The following BASP1 variants were observed in gnomAD, a reference collection of about 807,000 sequenced individuals.
BASP1 encodes brain abundant membrane attached signal protein 1.
BASP1 carries 1 observed loss-of-function variant against 2.2 expected under a neutral mutation model. That is an observed-to-expected ratio of 0.46 (90% confidence interval 0.16 to 2.17). BASP1 has a LOEUF of 2.17. Among genes scored for constraint, BASP1 ranks in the 30% most tolerant of loss-of-function variants. BASP1 has a pLI of 0.27. For missense variants in BASP1, 352 were observed against 327.2 expected (o/e 1.08, Z -0.58); for synonymous variants, 187 against 154.2 (o/e 1.21, Z -1.58).
intron 1 of BASP1, among the ~76,000 whole-genome samples, chr5:17,245,773 G>A (rs1019398024): frequency 2.0e-5 from 3 of 152,022 alleles, no homozygotes; most frequent in African/African-American, 7.2e-5. Context: ...ATAAAAGAAA[G>A]ATGGAAGAAG....
intron 1 of BASP1, among the ~76,000 whole-genome samples, chr5:17,249,786 C>A (rs1740065564): frequency 6.6e-6 from 1 of 152,128 alleles, no homozygotes; most frequent in Non-Finnish European, 1.5e-5. Context: ...TTTTCTTCAA[C>A]CCACAACTTG....
chr5:17,246,227 A>T (rs1325282585), intron 1 of BASP1, among the ~76,000 whole-genome samples: 3 of 152,076 alleles, frequency 2.0e-5, no homozygotes, highest in Non-Finnish European at 4.4e-5. Flanking sequence ...CACGCCTGTA[A>T]TCCCAGCACT....
intron 1 of BASP1, among the ~76,000 whole-genome samples, chr5:17,226,412 A>G (rs1160971693): frequency 6.6e-6 from 1 of 152,242 alleles, no homozygotes; most frequent in African/African-American, 2.4e-5. Flanking sequence ...TTGACAGTCT[A>G]TTCAAAACAC....
chr5:17,269,984 C>T (rs914020970), intron 1 of BASP1, among the ~76,000 whole-genome samples: 3 of 152,094 alleles, frequency 2.0e-5, no homozygotes, highest in Admixed American at 2.0e-4. Flanking sequence ...GCAAAAAATG[C>T]AATTACATTT....
chr5:17,252,492 T>C (rs1175510916), intron 1 of BASP1, among the ~76,000 whole-genome samples: 1 of 152,168 alleles, frequency 6.6e-6, no homozygotes, highest in East Asian at 1.9e-4. Context: ...AACTCTTGCT[T>C]GACACCCAAG....
At chr5:17,217,069 A>AGTGT (rs558143088), upstream of BASP1, 2,333 of 119,780 alleles carry the variant, frequency 0.019, 44 homozygotes, top group Non-Finnish European at 0.028. Context: ...AGAGAGAGAG[A>AGTGT]GTGAGAGAGA....
intron 1 of BASP1, among the ~76,000 whole-genome samples, chr5:17,267,777 A>T (rs918645827): frequency 7.1e-6 from 1 of 140,546 alleles, no homozygotes; most frequent in Non-Finnish European, 1.5e-5. Context: ...TCAGCTTCCC[A>T]AAGTGCTGGG....
intron 1 of BASP1, among the ~76,000 whole-genome samples, chr5:17,273,075 C>T (rs1281841867): frequency 6.6e-6 from 1 of 152,084 alleles, no homozygotes; most frequent in Non-Finnish European, 1.5e-5. Flanking sequence ...TGTTAGGTTT[C>T]CTGTTTCTTA....
intron 1 of BASP1, among the ~76,000 whole-genome samples, chr5:17,225,368 C>T (rs906127110): frequency 3.9e-5 from 6 of 152,044 alleles, no homozygotes; most frequent in Non-Finnish European, 7.4e-5. Flanking sequence ...CCCAGGGGGA[C>T]GGTGCAGTCA....
chr5:17,263,004 G>A lies in BASP1; in HGVS notation c.-9-12204G>A, dbSNP rs575061308. ...TGAGACTACAGGCACCCGCCACCACGCCCGGCTAATTTTTTATATTTTTTA... is the reference window on the plus strand; with the variant it reads ...TGAGACTACAGGCACCCGCCACCACACCCGGCTAATTTTTTATATTTTTTA... On this transcript the variant is annotated intron_variant, in intron 1 of 1. Transcript: ENST00000322611. Among the ~76,000 whole-genome samples, 7 of 152,086 alleles carry A rather than the reference G, an allele frequency of 4.6e-5. No individual in the cohort carries two copies. The East Asian group carries it at 1.2e-3, about 25-fold the overall frequency.
intron 1 of BASP1, among the ~76,000 whole-genome samples, chr5:17,265,637 CT>C (rs957537205): frequency 3.9e-5 from 6 of 152,158 alleles, no homozygotes; most frequent in Non-Finnish European, 8.8e-5. Context: ...CTACTTGATA[CT>C]CCTTTTGAGC....
chr5:17,245,973 GA>G (rs202080092), intron 1 of BASP1, among the ~76,000 whole-genome samples: 9 of 150,052 alleles, frequency 6.0e-5, no homozygotes, highest in East Asian at 5.8e-4. Context: ...CGTGGATAGA[GA>G]AAAAAAAATC....
chr5:17,238,166 C>CT (rs1160864454), intron 1 of BASP1, among the ~76,000 whole-genome samples: 2 of 151,832 alleles, frequency 1.3e-5, no homozygotes, highest in African/African-American at 4.8e-5. Flanking sequence ...AAACTACCCT[C>CT]TTTTTTTCAG....
At chr5:17,264,838 A>C (rs879620629) in intron 1 of BASP1, among the ~76,000 whole-genome samples, 1 of 152,186 alleles carries the variant, frequency 6.6e-6, no homozygotes, top group Non-Finnish European at 1.5e-5. Context: ...AATAAATCCA[A>C]ATTTGCATTT....
rs963500123 is a variant in BASP1 at position 17,251,739 on chromosome 5, C to T, written c.-9-23469C>T. 2.0e-5 allele frequency among the ~76,000 whole-genome samples: 3 copies of T among 152,150 alleles called. No homozygotes were observed. Among genetic ancestry groups the T allele is most frequent in the Non-Finnish European group, 4.4e-5 (3 of 68,036 alleles). On this transcript the variant is annotated intron_variant, in intron 1 of 1. Transcript: ENST00000322611. The surrounding 1 kb of genome is among the most constrained non-coding windows in gnomAD (Gnocchi z 4.0). ...GTGAAAGTTGGTCCAGAAAGACTCC[C>T]ACATTTCTGGCTGGGCGATGGGGTG...
Position 17,275,921 on chromosome 5 carries a change from A to G in BASP1, c.*21A>G. 2 of 1,524,190 alleles carry G rather than the reference A, an allele frequency of 1.3e-6. No homozygotes were observed. Among genetic ancestry groups the G allele is most frequent in the Non-Finnish European group, 1.8e-6 (2 of 1,135,086 alleles). The allele number at this position is 1,524,190 out of a possible 1,614,324, so 94.4% of individuals were successfully genotyped here. A position where few individuals can be genotyped will look rare whatever the true frequency, so the allele number is the denominator to read the frequency against. The stretch of plus-strand genomic sequence containing the variant: ...AGTGACAAGGACAGCCTATAGGAAA[A>G]ACAATACCACTTAAAACAATCTCCT... On this transcript the variant is annotated 3_prime_UTR_variant, in exon 2 of 2. Transcript: ENST00000322611. The surrounding 1 kb of genome is among the most constrained non-coding windows in gnomAD (Gnocchi z 5.3).
At chr5:17,246,739 T>C (rs1317863216) in intron 1 of BASP1, among the ~76,000 whole-genome samples, 2 of 152,252 alleles carry the variant, frequency 1.3e-5, no homozygotes, top group East Asian at 3.8e-4. Context: ...CATTCTCTAA[T>C]TGCCCATTTT....
Position 17,275,532 on chromosome 5 carries a change from C to G in BASP1, c.316C>G (p.Gln106Glu). 7.0e-7 allele frequency: 1 copy of G among 1,422,896 alleles called. No individual in the cohort carries two copies. The allele number at this position is 1,422,896 out of a possible 1,614,324, so 88.1% of individuals were successfully genotyped here. A position where few individuals can be genotyped will look rare whatever the true frequency, so the allele number is the denominator to read the frequency against. The change falls in exon 2 of 2, where the codon CAG becomes GAG. Residue 106 changes from glutamine (Q) to glutamate (E), a missense_variant. By Grantham distance (29) the Gln-to-Glu change is conservative. Coordinates refer to ENST00000322611, the MANE Select transcript of BASP1 (RefSeq NM_006317.5). This position sits in a 1 kb window ranked among gnomAD's most constrained non-coding sequence, Gnocchi z 5.3. ...AKAEPPKAPEQEQAAPGPAAG... is the reference protein window; with the variant it reads ...AKAEPPKAPEEEQAAPGPAAG... ...GGCTGAGCCCCCGAAGGCGCCCGAG[C>G]AGGAGCAGGCGGCCCCCGGCCCCGC...
At chr5:17,254,163 A>C (rs1414434232) in intron 1 of BASP1, among the ~76,000 whole-genome samples, 2 of 151,892 alleles carry the variant, frequency 1.3e-5, no homozygotes, top group African/African-American at 4.8e-5. Flanking sequence ...ATTAGTGTTG[A>C]TTATGACAAG....
Sources: gnomAD v4.1 joint callset for allele counts (sites outside exome capture counted in the v4.1 genomes callset) on GRCh38, gnomAD v4.1.1 for gene constraint, Gnocchi (gnomAD v3.1) non-coding constraint, MANE v1.5 for transcripts, NCBI Gene and HGNC (gene_info 2026-07-23, HGNC 2026-07-21) for gene names.